Variants in KLHL1 observed in about 807,000 individuals in gnomAD.
The protein encoded by KLHL1 is kelch like family member 1, also known as kelch-like protein 1.
A neutral mutation model predicts 77.7 loss-of-function variants in KLHL1; 47 were observed. That is an observed-to-expected ratio of 0.60 (90% CI 0.48 to 0.77). The LOEUF is 0.77. Among genes scored for constraint, KLHL1 ranks in the 30% least tolerant of loss-of-function variants. The probability of loss-of-function intolerance (pLI) is 0.00; values close to 1 mark genes in which losing one functional copy is unlikely to be tolerated. For synonymous variants in KLHL1, 360 were observed against 325.2 expected, an observed-to-expected ratio of 1.11 and a Z score of -1.15; for missense variants, 925 against 910.8, an observed-to-expected ratio of 1.02 and a Z score of -0.20.
At position 69,701,347 on chromosome 13, in the gene KLHL1, G is replaced by A. The variant is rs896814290; in HGVS notation, c.*355C>T. On this transcript the variant is annotated 3_prime_UTR_variant, in exon 11 of 11. Coordinates refer to ENST00000377844, the MANE Select transcript of KLHL1 (RefSeq NM_020866.3). ...GCCATAGACTATAAAATGATTGAAT[G>A]AGTTGTGGTCATGAAACTATCCATG... 11 of 185,158 alleles carry A rather than the reference G, an allele frequency of 5.9e-5. No homozygotes were observed. The highest frequency in any genetic ancestry group is 2.2e-5 in the Non-Finnish European group (2 of 90,310). The allele number at this position is 185,158 out of a possible 1,614,324, so 11.5% of individuals were successfully genotyped here.
intron 1 of KLHL1, among the ~76,000 whole-genome samples, chr13:70,097,233 A>T (rs1207566501): frequency 1.3e-5 from 2 of 152,044 alleles, no homozygotes; most frequent in Non-Finnish European, 2.9e-5. Flanking sequence ...AATCTTACAA[A>T]TGTGAGTCCT....
chr13:69,896,529 A>T (rs1385479242), intron 4 of KLHL1, among the ~76,000 whole-genome samples: 1 of 152,138 alleles, frequency 6.6e-6, no homozygotes, highest in Non-Finnish European at 1.5e-5. Context: ...AAAATAGTGC[A>T]TGAAGCTGAT....
In KLHL1 at chr13:69,812,570, C is replaced by T. The variant is rs189511808; in HGVS notation, c.1415-15608G>A. ...AATGGGAGAAAATGTTTGCAATCTA[C>T]TCATCTGACAAAGGGCTAATATCCA... is the stretch of plus-strand genomic sequence containing the variant. On this transcript the variant is annotated intron_variant, in intron 6 of 10. Transcript: ENST00000377844. 2.0e-3 allele frequency among the ~76,000 whole-genome samples: 300 copies of T among 152,180 alleles called. 1 individual carries two copies. Among genetic ancestry groups the T allele is most frequent in the African/African-American group, 6.9e-3 (285 of 41,530 alleles).
Position 69,812,681 on chromosome 13 carries a change from A to C in KLHL1, c.1415-15719T>G, listed in dbSNP as rs549094309. 2.9e-4 allele frequency among the ~76,000 whole-genome samples: 44 copies of C among 152,098 alleles called. 1 individual carries two copies. Among genetic ancestry groups the C allele is most frequent in the Non-Finnish European group, 1.3e-4 (9 of 68,014 alleles). ...AAATGATATGAACAGGCATTTCTGA[A>C]AAGAAGACATTTATGCAGCCAAAAA... On this transcript the variant is annotated intron_variant, in intron 6 of 10. Transcript: ENST00000377844.
At position 69,953,754 on chromosome 13, in the gene KLHL1, A is replaced by G. The variant is rs573695554; in HGVS notation, c.817+7554T>C. On this transcript the variant is annotated intron_variant, in intron 3 of 10. Coordinates refer to ENST00000377844, the MANE Select transcript of KLHL1 (RefSeq NM_020866.3). ...ATTAAAAAACATATAATGCTGAAAC[A>G]TATAATAAATTGGACTCAAAATTAA... Among the ~76,000 whole-genome samples the G allele has an allele frequency of 2.0e-5, 3 of 151,344 alleles. No homozygotes were observed. In the East Asian group the frequency reaches 5.8e-4, roughly 29 times the overall value.
At chr13:70,031,302 G>A (rs896831980) in intron 1 of KLHL1, among the ~76,000 whole-genome samples, 3 of 152,070 alleles carry the variant, frequency 2.0e-5, no homozygotes, top group Non-Finnish European at 4.4e-5. Flanking sequence ...TGTTCTTTCA[G>A]CTTGTAACAC....
intron 4 of KLHL1, among the ~76,000 whole-genome samples, chr13:69,926,057 C>T (rs76314026): frequency 6.6e-6 from 1 of 152,164 alleles, no homozygotes. Flanking sequence ...TCTCTTTTAA[C>T]CTTGCACAAT....
At chr13:69,755,642 T>A (rs1874689559) in intron 7 of KLHL1, among the ~76,000 whole-genome samples, 1 of 151,586 alleles carries the variant, frequency 6.6e-6, no homozygotes, top group African/African-American at 2.4e-5. Flanking sequence ...ATCTCCAAAG[T>A]AATTTTAAAA....
chr13:69,941,473 G>A (rs146718646), intron 3 of KLHL1, among the ~76,000 whole-genome samples: 1,561 of 151,914 alleles, frequency 0.01, 25 homozygotes, highest in African/African-American at 0.035. Context: ...AGTTTATAGC[G>A]ATAAATGCCT....
intron 7 of KLHL1, among the ~76,000 whole-genome samples, chr13:69,778,174 T>C (rs1476688589): frequency 2.0e-5 from 3 of 152,132 alleles, no homozygotes; most frequent in African/African-American, 4.8e-5. Flanking sequence ...TTTGTTATTA[T>C]CAGACTGAAA....
At chr13:69,855,734 G>A (rs957078045) in intron 5 of KLHL1, among the ~76,000 whole-genome samples, 63 of 151,044 alleles carry the variant, frequency 4.2e-4, no homozygotes, top group African/African-American at 1.4e-3. Context: ...ATGCCGAACC[G>A]TGAGTCAATT....
chr13:69,769,070 T>C (rs774722899), intron 7 of KLHL1, among the ~76,000 whole-genome samples: 1 of 152,198 alleles, frequency 6.6e-6, no homozygotes, highest in African/African-American at 2.4e-5. Context: ...AACTAATTAT[T>C]ATCTACAATT....
At chr13:69,734,972 G>C (rs761723644) in intron 8 of KLHL1, among the ~76,000 whole-genome samples, 26 of 152,002 alleles carry the variant, frequency 1.7e-4, no homozygotes, top group Non-Finnish European at 3.5e-4. Flanking sequence ...GAAGAATGTT[G>C]TGAAATCATT....
At chr13:69,714,720 A>T (rs768843471) in intron 9 of KLHL1, among the ~76,000 whole-genome samples, 1 of 151,756 alleles carries the variant, frequency 6.6e-6, no homozygotes, top group Non-Finnish European at 1.5e-5. Context: ...CAGCCTCCCA[A>T]GTAGCTGAGG....
At chr13:69,820,712 G>T (rs1293851698) in intron 6 of KLHL1, among the ~76,000 whole-genome samples, 1 of 152,162 alleles carries the variant, frequency 6.6e-6, no homozygotes, top group Non-Finnish European at 1.5e-5. Flanking sequence ...GGCCGAATTT[G>T]CTCTGCATAC....
chr13:70,106,534 A>C (rs1476254605), intron 1 of KLHL1, among the ~76,000 whole-genome samples: 4 of 152,204 alleles, frequency 2.6e-5, no homozygotes, highest in Non-Finnish European at 5.9e-5. Flanking sequence ...ACAAAATTTC[A>C]ATACTGAGCC....
At chr13:69,990,702 A>C (rs1379491327) in intron 1 of KLHL1, among the ~76,000 whole-genome samples, 1 of 152,014 alleles carries the variant, frequency 6.6e-6, no homozygotes, top group African/African-American at 2.4e-5. Context: ...ACACATAGTA[A>C]TGATGGGAGA....
intron 5 of KLHL1, among the ~76,000 whole-genome samples, chr13:69,842,882 A>C (rs547640358): frequency 6.6e-6 from 1 of 151,786 alleles, no homozygotes; most frequent in African/African-American, 2.4e-5. Context: ...CATGCCATTT[A>C]TAGCAACATG....
At chr13:69,954,117 G>C (rs1883795210) in intron 3 of KLHL1, among the ~76,000 whole-genome samples, 1 of 151,356 alleles carries the variant, frequency 6.6e-6, no homozygotes, top group Non-Finnish European at 1.5e-5. Context: ...TGAGAAGCAA[G>C]AAATAGGTGC....
Sources: allele counts gnomAD v4.1 joint callset (sites outside exome capture counted in the v4.1 genomes callset), GRCh38; gene constraint gnomAD v4.1.1; transcripts MANE v1.5; gene names NCBI Gene and HGNC (gene_info 2026-07-23, HGNC 2026-07-21).